NCAM2: variants seen among roughly 807,000 people sequenced by gnomAD.
The protein encoded by NCAM2 is N-CAM-2.
NCAM2 carries 30 observed loss-of-function variants against 98.1 expected under a neutral mutation model. The observed-to-expected ratio is 0.31, with a 90% CI of 0.23 to 0.41. The LOEUF is 0.41. NCAM2 is among the 10% of genes least tolerant of loss of function. The probability of loss-of-function intolerance (pLI) is 1.00; values close to 1 mark genes in which losing one functional copy is unlikely to be tolerated. For missense variants in NCAM2, 867 were observed against 1,005.8 expected (o/e 0.86, Z 1.87); for synonymous variants, 368 against 342.4 (o/e 1.07, Z -0.83).
At chr21:21,197,342 C>G (rs1255927580) in intron 1 of NCAM2, among the ~76,000 whole-genome samples, 1 of 152,098 alleles carries the variant, frequency 6.6e-6, no homozygotes, top group Non-Finnish European at 1.5e-5. Flanking sequence ...GTTGGCCAGG[C>G]TGGTCTCGAA....
At chr21:21,013,788 A>T (rs556692587) in intron 1 of NCAM2, among the ~76,000 whole-genome samples, 7 of 152,242 alleles carry the variant, frequency 4.6e-5, no homozygotes, top group African/African-American at 1.7e-4. Flanking sequence ...TCTCAAAAAA[A>T]AAAAAAGAAA....
chr21:21,538,943 A>G lies in NCAM2; in HGVS notation c.*986A>G, dbSNP rs565125922. 1.3e-5 allele frequency: 2 copies of G among 152,300 alleles called. No homozygotes were observed. Among genetic ancestry groups the G allele is most frequent in the African/African-American group, 4.8e-5 (2 of 41,586 alleles). The allele number at this position is 152,300 out of a possible 1,614,324, so 9.4% of individuals were successfully genotyped here. On this transcript the variant is annotated 3_prime_UTR_variant, in exon 18 of 18. Transcript: ENST00000400546. ...TAAGAACTAATTTTACCACTGTTAT[A>G]GGTTCACCATTAAATATAATTGGCT...
chr21:21,527,377 A>T (rs968997162), intron 16 of NCAM2, among the ~76,000 whole-genome samples: 2 of 152,132 alleles, frequency 1.3e-5, no homozygotes, highest in Non-Finnish European at 2.9e-5. Context: ...AAAATTAAAA[A>T]TTTATGCTCT....
chr21:21,053,632 C>T (rs1601218502), intron 1 of NCAM2, among the ~76,000 whole-genome samples: 1 of 150,456 alleles, frequency 6.6e-6, no homozygotes, highest in East Asian at 1.9e-4. Context: ...TATATCATTT[C>T]TAATGCGCTA....
intron 1 of NCAM2, among the ~76,000 whole-genome samples, chr21:21,059,373 C>G (rs947122975): frequency 7.2e-5 from 11 of 152,008 alleles, no homozygotes; most frequent in Admixed American, 5.3e-4. Context: ...AGAGATAGAG[C>G]ATTTCAGAAC....
intron 1 of NCAM2, among the ~76,000 whole-genome samples, chr21:21,158,736 C>G (rs13046112): frequency 0.36 from 54,666 of 151,974 alleles, 10,389 homozygotes; most frequent in Non-Finnish European, 0.43. Flanking sequence ...GTAAACAAAC[C>G]TACTGGGCTG....
chr21:21,019,693 A>G (rs1009678259), intron 1 of NCAM2, among the ~76,000 whole-genome samples: 1 of 152,220 alleles, frequency 6.6e-6, no homozygotes, highest in Non-Finnish European at 1.5e-5. Flanking sequence ...AAATTTGGAT[A>G]TATCAAAAAT....
chr21:21,244,612 G>C (rs556975738), intron 1 of NCAM2, among the ~76,000 whole-genome samples: 1 of 152,128 alleles, frequency 6.6e-6, no homozygotes, highest in East Asian at 1.9e-4. Flanking sequence ...ACTTTGGGAG[G>C]CTGAGGCAGT....
At chr21:21,440,689 C>CAA (rs201157202) in intron 12 of NCAM2, among the ~76,000 whole-genome samples, 6 of 101,902 alleles carry the variant, frequency 5.9e-5, no homozygotes, top group African/African-American at 2.0e-4. Context: ...ACAGCAACAA[C>CAA]AAAAAAAAGA....
At chr21:21,198,211 TG>T (rs2069082767) in intron 1 of NCAM2, among the ~76,000 whole-genome samples, 2 of 151,756 alleles carry the variant, frequency 1.3e-5, no homozygotes, top group Non-Finnish European at 2.9e-5. Context: ...TGTGTGTGTG[TG>T]TGTGTGTGTG....
intron 5 of NCAM2, 76 bp from the exon 6 acceptor site, chr21:21,324,307 T>G (rs2074454130): frequency 9.5e-7 from 1 of 1,053,906 alleles, no homozygotes; most frequent in East Asian, 2.4e-5. Flanking sequence ...AAGCTTAAAA[T>G]GTAGCAAAAA....
At chr21:21,209,904 G>A (rs974884505) in intron 1 of NCAM2, among the ~76,000 whole-genome samples, 2 of 152,080 alleles carry the variant, frequency 1.3e-5, no homozygotes, top group Non-Finnish European at 2.9e-5. Context: ...ATTATGGTAA[G>A]ATATTGCGAC....
intron 1 of NCAM2, among the ~76,000 whole-genome samples, chr21:21,110,464 A>G (rs1292028160): frequency 6.6e-6 from 1 of 151,960 alleles, no homozygotes; most frequent in Non-Finnish European, 1.5e-5. Context: ...CTAGGTAAGG[A>G]CAAAGAAAGA....
rs568939965 is a variant in NCAM2 at position 21,364,228 on chromosome 21, T to G, written c.1045-9635T>G. 5.9e-5 allele frequency among the ~76,000 whole-genome samples: 9 copies of G among 152,140 alleles called. No homozygotes were observed. The East Asian group carries it at 1.5e-3, about 26-fold the overall frequency. Reference sequence around the variant, plus strand: ...GTATTTTGATGTTTCTTTCATGTTCTGTATAAAATATTTCCAATAAATATA... The same window carrying G: ...GTATTTTGATGTTTCTTTCATGTTCGGTATAAAATATTTCCAATAAATATA... On this transcript the variant is annotated intron_variant, in intron 8 of 17. Coordinates refer to ENST00000400546, the MANE Select transcript of NCAM2 (RefSeq NM_004540.5).
At position 21,258,017 on chromosome 21, in the gene NCAM2, T is replaced by C. The variant is rs181679941; in HGVS notation, c.56-22561T>C. The stretch of plus-strand genomic sequence containing the variant: ...TTATTGTTCTTGGTTTTTATTTCTA[T>C]TTAGTTTCCTAATGCCTTGAACTTG... On this transcript the variant is annotated intron_variant, in intron 1 of 17. Coordinates refer to ENST00000400546, the MANE Select transcript of NCAM2 (RefSeq NM_004540.5). Among the ~76,000 whole-genome samples, 3 of 152,332 alleles carry C rather than the reference T, an allele frequency of 2.0e-5. No homozygotes were observed. The East Asian group carries it at 5.8e-4, about 29-fold the overall frequency.
At chr21:21,064,475 C>T (rs1347858168) in intron 1 of NCAM2, among the ~76,000 whole-genome samples, 3 of 152,156 alleles carry the variant, frequency 2.0e-5, no homozygotes, top group African/African-American at 7.2e-5. Context: ...TGAGGTCCCA[C>T]TATTATGGTT....
At chr21:21,302,779 T>C (rs926465860) in intron 5 of NCAM2, among the ~76,000 whole-genome samples, 3 of 152,148 alleles carry the variant, frequency 2.0e-5, no homozygotes, top group African/African-American at 7.2e-5. Context: ...TAGATCATTA[T>C]ACCAAAAAGG....
intron 1 of NCAM2, among the ~76,000 whole-genome samples, chr21:21,202,536 C>G (rs143065515): frequency 0.016 from 2,417 of 150,800 alleles, 34 homozygotes; most frequent in Non-Finnish European, 0.023. Context: ...CCTGCCTCAG[C>G]CTCCCAAGTA....
rs923555157 is a variant in NCAM2, at chr21:21,011,781, A to G, written c.55+13163A>G. On this transcript the variant is annotated intron_variant, in intron 1 of 17. Transcript: ENST00000400546. ...ATATATAAGTAGTTCAGATAACTCA[A>G]TATCAAGAAAACAAATAACCCAATT... 3.3e-5 allele frequency among the ~76,000 whole-genome samples: 5 copies of G among 152,030 alleles called. No individual in the cohort carries two copies. The East Asian group carries it at 7.7e-4, about 23-fold the overall frequency.
Sources: gnomAD v4.1 joint callset for allele counts (sites outside exome capture counted in the v4.1 genomes callset) on GRCh38, gnomAD v4.1.1 for gene constraint, MANE v1.5 for transcripts, NCBI Gene and HGNC (gene_info 2026-07-23, HGNC 2026-07-21) for gene names.